Variants in PMM2 observed in about 807,000 individuals in gnomAD.
The protein encoded by PMM2 is mannose-6-phosphate isomerase.
A neutral mutation model predicts 33.2 loss-of-function variants in PMM2; 35 were observed. The observed-to-expected ratio is 1.06, with a 90% CI of 0.81 to 1.40. The LOEUF (loss-of-function observed/expected upper bound fraction) is 1.40. PMM2 is among the 40% of genes most tolerant of loss of function. The probability of loss-of-function intolerance (pLI) is 0.00; values close to 1 mark genes in which losing one functional copy is unlikely to be tolerated. For missense variants in PMM2, 386 were observed against 306.0 expected, an observed-to-expected ratio of 1.26 and a Z score of -1.95; for synonymous variants, 153 against 114.7, an observed-to-expected ratio of 1.33 and a Z score of -2.13.
chr16:8,824,194 C>T (rs1033471449), intron 7 of PMM2, among the ~76,000 whole-genome samples: 2 of 152,286 alleles, frequency 1.3e-5, no homozygotes, highest in African/African-American at 4.8e-5. Context: ...AAAGGATTAA[C>T]AATGTTTAAC....
chr16:8,821,253 G>C (rs28704861), intron 7 of PMM2, among the ~76,000 whole-genome samples: 63,637 of 151,902 alleles, frequency 0.42, 13,477 homozygotes, highest in Non-Finnish European at 0.46. Context: ...AGAAATTGAT[G>C]AGAGGTTCTC....
chr16:8,833,660 T>G (rs936364355), intron 7 of PMM2, among the ~76,000 whole-genome samples: 18 of 150,896 alleles, frequency 1.2e-4, no homozygotes, highest in East Asian at 7.8e-4. Context: ...TAAGGGGTGA[T>G]ATTGTGGGGA....
intron 7 of PMM2, among the ~76,000 whole-genome samples, chr16:8,824,554 A>G (rs1323317288): frequency 6.6e-6 from 1 of 152,266 alleles, no homozygotes; most frequent in East Asian, 1.9e-4. Flanking sequence ...TTATACGACT[A>G]TAAACCCAAA....
chr16:8,797,964 C>G lies in PMM2; in HGVS notation c.66+16C>G, dbSNP rs1485485039. The G allele has an allele frequency of 6.3e-7, 1 of 1,589,688 alleles. No individual in the cohort carries two copies. The highest frequency in any genetic ancestry group is 1.1e-5 in the South Asian group (1 of 87,922). ...CCCGCGGCAGGTAAGTGGCGGCCGGCGGGCTGCTGGCAGCCGACGCGGAGC... is the reference window on the plus strand; with the variant it reads ...CCCGCGGCAGGTAAGTGGCGGCCGGGGGGCTGCTGGCAGCCGACGCGGAGC... On this transcript the variant is annotated intron_variant, in intron 1 of 7. Transcript: ENST00000268261.
In PMM2 at chr16:8,797,857, G is replaced by T; in HGVS notation, c.-26G>T. ...CGAGTTCCTCGTGCCAACGTGTCTT[G>T]TAAGGTGCGGCTAGAAACTGGGGAC... On this transcript the variant is annotated 5_prime_UTR_variant, in exon 1 of 8. Coordinates refer to ENST00000268261, the MANE Select transcript of PMM2 (RefSeq NM_000303.3). 6.2e-7 allele frequency: 1 copy of T among 1,608,910 alleles called. No homozygotes were observed. Among genetic ancestry groups the T allele is most frequent in the Non-Finnish European group, 8.5e-7 (1 of 1,177,910 alleles).
chr16:8,811,279 G>A (rs1194833776), intron 5 of PMM2, 101 bp downstream of exon 5: 2 of 824,824 alleles, frequency 2.4e-6, no homozygotes, highest in Admixed American at 2.0e-5. Flanking sequence ...ACTTTGGGAG[G>A]CCAAGGCAGG....
At chr16:8,798,038 G>A in intron 1 of PMM2, 90 bp downstream of exon 1, 2 of 1,330,590 alleles carry the variant, frequency 1.5e-6, no homozygotes, top group Non-Finnish European at 2.1e-6. Context: ...TAGGCGCCAA[G>A]GGGTGGCTAA....
intron 1 of PMM2, among the ~76,000 whole-genome samples, chr16:8,799,668 C>T (rs1288360873): frequency 6.6e-6 from 1 of 152,138 alleles, no homozygotes; most frequent in Non-Finnish European, 1.5e-5. Flanking sequence ...CTGCCTCAGG[C>T]AACCAAGTAG....
intron 3 of PMM2, among the ~76,000 whole-genome samples, chr16:8,805,319 C>A (rs1187409586): frequency 1.3e-5 from 2 of 152,214 alleles, no homozygotes; most frequent in Non-Finnish European, 2.9e-5. Context: ...CCGCCCACCT[C>A]AGCCTCCCAG....
intron 7 of PMM2, among the ~76,000 whole-genome samples, chr16:8,836,067 T>G (rs1277546702): frequency 9.3e-5 from 14 of 151,024 alleles, no homozygotes; most frequent in East Asian, 3.9e-4. Context: ...GCACCAGAGT[T>G]GGGGAGTTTT....
chr16:8,819,648 T>G (rs190845691), intron 7 of PMM2, among the ~76,000 whole-genome samples: 2 of 151,672 alleles, frequency 1.3e-5, no homozygotes, highest in South Asian at 4.2e-4. Context: ...TGAGCCACGA[T>G]TGCGCCACTG....
intron 7 of PMM2, among the ~76,000 whole-genome samples, chr16:8,815,124 C>T (rs996969368): frequency 1.3e-5 from 2 of 151,966 alleles, no homozygotes; most frequent in African/African-American, 4.8e-5. Flanking sequence ...CTCAGTATGT[C>T]TTCTCAGTTT....
At chr16:8,815,155 C>T (rs1172183721) in intron 7 of PMM2, among the ~76,000 whole-genome samples, 3 of 151,886 alleles carry the variant, frequency 2.0e-5, no homozygotes, top group Non-Finnish European at 4.4e-5. Flanking sequence ...GCACAAATGG[C>T]AAGTTTCCTT....
At chr16:8,824,876 A>G (rs1444194105) in intron 7 of PMM2, among the ~76,000 whole-genome samples, 1 of 152,230 alleles carries the variant, frequency 6.6e-6, no homozygotes, top group African/African-American at 2.4e-5. Context: ...CATGAGGCCA[A>G]CTGAATCTTT....
intron 7 of PMM2, chr16:8,832,370 G>C (rs1457229204): frequency 1.0e-6 from 1 of 985,408 alleles, no homozygotes; most frequent in African/African-American, 1.7e-5. Context: ...TCCTGGATGG[G>C]AATTGATTCT....
chr16:8,832,387 C>G, intron 7 of PMM2: 2 of 985,378 alleles, frequency 2.0e-6, no homozygotes, highest in South Asian at 4.7e-5. Context: ...TTCTCCAGAC[C>G]TAGCTTTATT....
chr16:8,818,550 C>T (rs1387977972), intron 7 of PMM2, among the ~76,000 whole-genome samples: 1 of 152,120 alleles, frequency 6.6e-6, no homozygotes, highest in Non-Finnish European at 1.5e-5. Context: ...TTTTTGCCGG[C>T]GTCCAGGGAA....
chr16:8,834,070 T>C (rs2060828169), intron 7 of PMM2, among the ~76,000 whole-genome samples: 1 of 152,242 alleles, frequency 6.6e-6, no homozygotes, highest in South Asian at 2.1e-4. Context: ...GTCTGGTGTC[T>C]GGAATGAGAC....
chr16:8,820,643 C>A (rs2060733902), intron 7 of PMM2, among the ~76,000 whole-genome samples: 1 of 152,130 alleles, frequency 6.6e-6, no homozygotes, highest in African/African-American at 2.4e-5. Context: ...CGTGAGCCAC[C>A]ACTCCCGACC....
Sources: allele counts gnomAD v4.1 joint callset (sites outside exome capture counted in the v4.1 genomes callset), GRCh38; gene constraint gnomAD v4.1.1; transcripts MANE v1.5; gene names NCBI Gene and HGNC (gene_info 2026-07-23, HGNC 2026-07-21).